Variants in CEP20 observed in about 807,000 individuals in gnomAD.
The protein encoded by CEP20 is FGFR1OP N-terminal like.
CEP20 carries 18 observed loss-of-function variants against 20.0 expected under a neutral mutation model. That is an observed-to-expected ratio of 0.90 (90% CI 0.62 to 1.34). The LOEUF is 1.34. Among genes scored for constraint, CEP20 ranks in the 40% most tolerant of loss-of-function variants. CEP20 has a pLI of 0.00. For synonymous variants in CEP20, 77 were observed against 73.7 expected (o/e 1.04, Z -0.23); for missense variants, 215 against 201.6 (o/e 1.07, Z -0.40).
chr16:15,873,436 T>C, intron 4 of CEP20, 55 bp downstream of exon 4: 3 of 1,570,586 alleles, frequency 1.9e-6, no homozygotes, highest in African/African-American at 1.4e-5. Context: ...GAAAAATATA[T>C]AGGAAGAAAA....
chr16:15,876,406 C>G (rs190434705), intron 3 of CEP20, among the ~76,000 whole-genome samples: 1 of 151,094 alleles, frequency 6.6e-6, no homozygotes, highest in Non-Finnish European at 1.5e-5. Context: ...ACCTGGGAGG[C>G]GGCAGTTGCC....
intron 4 of CEP20, among the ~76,000 whole-genome samples, chr16:15,871,756 A>AAT (rs2044824997): frequency 6.6e-6 from 1 of 152,146 alleles, no homozygotes; most frequent in South Asian, 2.1e-4. Context: ...TCAGCATTCT[A>AAT]ATATATATAG....
At chr16:15,879,011 A>AC (rs2045031125) in intron 3 of CEP20, among the ~76,000 whole-genome samples, 1 of 149,040 alleles carries the variant, frequency 6.7e-6, no homozygotes, top group Admixed American at 6.7e-5. Flanking sequence ...TCTCCTATGT[A>AC]CTTTTTTTTT....
chr16:15,877,170 T>C (rs2151425670), intron 3 of CEP20: 1 of 152,476 alleles, frequency 6.6e-6, no homozygotes, highest in South Asian at 2.1e-4. Context: ...TAAAAAAATA[T>C]CAAACATTTC....
In CEP20 at chr16:15,884,185, T is replaced by C. The variant is rs772377569; in HGVS notation, c.49A>G (p.Lys17Glu). The C allele has an allele frequency of 2.5e-6, 4 of 1,611,144 alleles. No homozygotes were observed. The highest frequency in any genetic ancestry group is 2.5e-6 in the Non-Finnish European group (3 of 1,177,662). ...TTTAAATGCCCTAATACCCCCTTTT[T>C]TTCCAAGGTGTCCTTTAAAACTGTT... ...LKAVLKDTLE[K>E]KGVLGHLKAR... The change falls in exon 2 of 5, where the codon AAA becomes GAA. Residue 17 changes from lysine to glutamate, a missense_variant. By Grantham distance (56) the Lys-to-Glu change is moderately conservative. Coordinates refer to ENST00000255759, the MANE Select transcript of CEP20 (RefSeq NM_144600.4).
Position 15,865,725 on chromosome 16 carries a change from G to C in CEP20, c.*1715C>G, listed in dbSNP as rs2044662708. On this transcript the variant is annotated 3_prime_UTR_variant, in exon 5 of 5. Coordinates refer to ENST00000255759, the MANE Select transcript of CEP20 (RefSeq NM_144600.4). The stretch of plus-strand genomic sequence containing the variant: ...AACACCCTTTGCACCAAAGTGACTT[G>C]CTTATTTTTTTTATTAAATGATACA... 1 of 152,020 alleles carries C rather than the reference G, an allele frequency of 6.6e-6. No individual in the cohort carries two copies. The highest frequency in any genetic ancestry group is 1.5e-5 in the Non-Finnish European group (1 of 68,014). 9.4% of individuals were successfully genotyped at this position (152,020 alleles called of 1,614,324 possible).
intron 1 of CEP20, among the ~76,000 whole-genome samples, chr16:15,887,395 CTAGTT>C (rs1168833364): frequency 4.6e-5 from 7 of 152,172 alleles, no homozygotes; most frequent in African/African-American, 1.7e-4. Context: ...CTAAGAATTA[CTAGTT>C]TAAACCCTGG....
At position 15,866,738 on chromosome 16, in the gene CEP20, A is replaced by G. The variant is rs1431883287; in HGVS notation, c.*702T>C. The G allele has an allele frequency of 6.6e-6, 1 of 152,216 alleles. No individual in the cohort carries two copies. The highest frequency in any genetic ancestry group is 1.5e-5 in the Non-Finnish European group (1 of 68,042). The allele number at this position is 152,216 out of a possible 1,614,324, so 9.4% of individuals were successfully genotyped here. On this transcript the variant is annotated 3_prime_UTR_variant, in exon 5 of 5. Coordinates refer to ENST00000255759, the MANE Select transcript of CEP20 (RefSeq NM_144600.4). ...TACTTCACATTCTTTATCTAATAAA[A>G]TAAACTCTTTGTTTTATTTACAGCA... is the stretch of plus-strand genomic sequence containing the variant.
chr16:15,872,231 A>G (rs1384048662), intron 4 of CEP20, among the ~76,000 whole-genome samples: 4 of 151,810 alleles, frequency 2.6e-5, no homozygotes, highest in Non-Finnish European at 5.9e-5. Context: ...GGGGAATGGC[A>G]TGAACCCAGG....
At position 15,867,180 on chromosome 16, in the gene CEP20, T is replaced by G. The variant is rs528419784; in HGVS notation, c.*260A>C. 1.7e-4 allele frequency: 46 copies of G among 270,594 alleles called. No homozygotes were observed. The highest frequency in any genetic ancestry group is 9.0e-4 in the African/African-American group (41 of 45,592). The allele number at this position is 270,594 out of a possible 1,614,324, so 16.8% of individuals were successfully genotyped here. A position where few individuals can be genotyped will look rare whatever the true frequency, so the allele number is the denominator to read the frequency against. On this transcript the variant is annotated 3_prime_UTR_variant, in exon 5 of 5. Coordinates refer to ENST00000255759, the MANE Select transcript of CEP20 (RefSeq NM_144600.4). The stretch of plus-strand genomic sequence containing the variant: ...CCGAGATCGTGCCACTGCACTCCAG[T>G]CTGGGTGACAGAGCGAGACTCCATC...
At chr16:15,882,946 C>T (rs1297033144) in intron 2 of CEP20, 1 of 151,894 alleles carries the variant, frequency 6.6e-6, no homozygotes, top group Non-Finnish European at 1.5e-5. Context: ...TGGCAGCACA[C>T]ACCTGTAGTT....
intron 3 of CEP20, among the ~76,000 whole-genome samples, chr16:15,876,258 A>G (rs1226030019): frequency 2.0e-5 from 3 of 151,298 alleles, no homozygotes; most frequent in African/African-American, 7.3e-5. Flanking sequence ...CAGGAGGATC[A>G]TGAGGTCAGG....
chr16:15,875,657 C>T (rs115913360), intron 3 of CEP20, among the ~76,000 whole-genome samples: 1,867 of 152,196 alleles, frequency 0.012, 43 homozygotes, highest in African/African-American at 0.04. Context: ...AAAAGTGCGG[C>T]CTCACAATAA....
chr16:15,875,049 G>C (rs2044910374), intron 3 of CEP20, among the ~76,000 whole-genome samples: 1 of 152,254 alleles, frequency 6.6e-6, no homozygotes, highest in South Asian at 2.1e-4. Context: ...ACCTCAAGGG[G>C]GAGCCTGAGC....
intron 3 of CEP20, among the ~76,000 whole-genome samples, chr16:15,879,181 G>A (rs1167499625): frequency 6.6e-6 from 1 of 152,194 alleles, no homozygotes; most frequent in Non-Finnish European, 1.5e-5. Context: ...AACGAAAGCA[G>A]TGGGCTGATT....
At chr16:15,875,614 T>C (rs1395344164) in intron 3 of CEP20, among the ~76,000 whole-genome samples, 1 of 152,062 alleles carries the variant, frequency 6.6e-6, no homozygotes, top group Non-Finnish European at 1.5e-5. Flanking sequence ...GGATTAAGGT[T>C]TATCTTTTAA....
rs374294081 is a variant in CEP20, at chr16:15,879,898, A to G, written c.227-10T>C. 3.2e-6 allele frequency: 5 copies of G among 1,566,254 alleles called. No individual in the cohort carries two copies. The African/African-American group carries it at 4.2e-5, about 13-fold the overall frequency. ...ACAGGTTGACCAGATTCTGGGAGAA[A>G]TAAATTCATGAGAACACTCAGTCTA... On this transcript the variant is annotated splice_polypyrimidine_tract_variant and intron_variant, in intron 2 of 4. Transcript: ENST00000255759.
Position 15,883,996 on chromosome 16 carries a change from A to G in CEP20, c.226+12T>C. 6.3e-7 allele frequency: 1 copy of G among 1,597,410 alleles called. No individual in the cohort carries two copies. Among genetic ancestry groups the G allele is most frequent in the African/African-American group, 1.3e-5 (1 of 74,636 alleles). ...AGAAACAGATTTTATGTGATAAATA[A>G]TAACCACTTACCTGCTATGAGGACA... On this transcript the variant is annotated intron_variant, in intron 2 of 4. Transcript: ENST00000255759.
chr16:15,872,951 T>C (rs968835395), intron 4 of CEP20, among the ~76,000 whole-genome samples: 6 of 152,046 alleles, frequency 3.9e-5, no homozygotes, highest in Non-Finnish European at 5.9e-5. Flanking sequence ...ATCTTACCTT[T>C]TATTTTGCAG....
Sources: gnomAD v4.1 joint callset for allele counts (sites outside exome capture counted in the v4.1 genomes callset) on GRCh38, gnomAD v4.1.1 for gene constraint, MANE v1.5 for transcripts, NCBI Gene and HGNC (gene_info 2026-07-23, HGNC 2026-07-21) for gene names.